BAZ2A: variants seen among roughly 807,000 people sequenced by gnomAD.
BAZ2A encodes bromodomain adjacent to zinc finger domain 2A.
In BAZ2A, 34 loss-of-function variants were observed where a neutral mutation model predicts 199.9. The observed-to-expected ratio is 0.17, with a 90% CI of 0.13 to 0.23. The LOEUF (loss-of-function observed/expected upper bound fraction) is 0.23, where lower values mean the gene tolerates loss of function less well. BAZ2A is among the 10% of genes least tolerant of loss of function. The pLI is 1.00. For missense variants in BAZ2A, 2,002 were observed against 2,391.1 expected (o/e 0.84, Z 3.39); for synonymous variants, 857 against 883.9 (o/e 0.97, Z 0.54).
chr12:56,598,577 T>C lies in BAZ2A; in HGVS notation c.*41A>G, dbSNP rs577151039. Reference sequence around the variant, plus strand: ...AAATGGCAGGTTTTTGTTTGGAAGGTGGGGGGAGATGCCACAAGGTGACTC... The same window carrying C: ...AAATGGCAGGTTTTTGTTTGGAAGGCGGGGGGAGATGCCACAAGGTGACTC... On this transcript the variant is annotated 3_prime_UTR_variant, in exon 29 of 29. Transcript: ENST00000549884. 2.1e-5 allele frequency: 33 copies of C among 1,594,764 alleles called. 1 individual carries two copies. The South Asian group carries it at 3.4e-4, about 16-fold the overall frequency.
rs2136731272 is a variant in BAZ2A, at chr12:56,600,340, C to G, written c.4753G>C (p.Val1585Leu). 1 of 1,614,024 alleles carries G rather than the reference C, an allele frequency of 6.2e-7. No individual in the cohort carries two copies. The highest frequency in any genetic ancestry group is 8.5e-7 in the Non-Finnish European group (1 of 1,179,902). Residue 1585 changes from valine to leucine, a missense_variant, in exon 24 of 29, where the codon GTG becomes CTG. Val to Leu is a conservative substitution (Grantham distance 32). This residue lies in a region of BAZ2A where 1,081 missense variants were observed against 1,274.7 expected (regional missense o/e 0.85). Coordinates refer to ENST00000549884, the MANE Select transcript of BAZ2A (RefSeq NM_001300905.2). ...RKTTNPLDLA[V>L]MRLAALEQNV... ...TGTTCCAGGGCAGCCAGCCGCATCA[C>G]AGCCAGGTCCAAAGGGTTGGTAGTT...
chr12:56,610,610 C>T, intron 7 of BAZ2A, 93 bp from the exon 8 acceptor site: 1 of 1,085,546 alleles, frequency 9.2e-7, no homozygotes, highest in Non-Finnish European at 1.4e-6. Flanking sequence ...AGATGGCCCT[C>T]CCCACATTTG....
intron 10 of BAZ2A, 137 bp from the exon 11 acceptor site, chr12:56,606,870 A>G: frequency 1.5e-6 from 1 of 663,822 alleles, no homozygotes; most frequent in Non-Finnish European, 2.6e-6. Flanking sequence ...TTTTTTTTTT[A>G]AGTATACATA....
chr12:56,603,519 C>T lies in BAZ2A; in HGVS notation c.3219+1G>A. 6.2e-7 allele frequency: 1 copy of T among 1,613,974 alleles called. No homozygotes were observed. On this transcript the variant is annotated splice_donor_variant, in intron 17 of 28. Coordinates refer to ENST00000549884, the MANE Select transcript of BAZ2A (RefSeq NM_001300905.2). LOFTEE classifies it high-confidence loss of function. ...CACTTTCCTTGATCTTGGGCCAGTA[C>T]CTCTCCATCTCTTCGACCCCTGCGG...
chr12:56,617,214 G>C (rs556943853), intron 2 of BAZ2A, among the ~76,000 whole-genome samples, 181 bp downstream of exon 2: 1 of 152,198 alleles, frequency 6.6e-6, no homozygotes, highest in South Asian at 2.1e-4. Flanking sequence ...AAAGCCAGTG[G>C]GTTTTTCTAA....
intron 10 of BAZ2A, among the ~76,000 whole-genome samples, chr12:56,607,728 C>T (rs928428799): frequency 1.3e-5 from 2 of 152,088 alleles, no homozygotes; most frequent in Admixed American, 6.5e-5. Context: ...CACATGTCTA[C>T]GTGACAACCC....
upstream of BAZ2A, chr12:56,634,995 T>C (rs951304983): frequency 1.1e-4 from 105 of 983,402 alleles, no homozygotes; most frequent in Non-Finnish European, 1.2e-4. Context: ...GAGGCGCAGG[T>C]GGCCGAGCCG....
At position 56,605,309 on chromosome 12, in the gene BAZ2A, G is replaced by A; in HGVS notation, c.2512C>T (p.Arg838Ter). The A allele has an allele frequency of 6.2e-7, 1 of 1,612,654 alleles. No individual in the cohort carries two copies. Among genetic ancestry groups the A allele is most frequent in the Non-Finnish European group, 8.5e-7 (1 of 1,178,980 alleles). ...TDHQPLPDFS[R>*]VPGLTLPSGA... ...CTGGGCAATGTCAGACCAGGGACTC[G>A]TGAGAAGTCAGGCAGGGGCTAGAGA... Residue 838 changes from arginine to a stop codon, truncating the protein, a stop_gained, in exon 14 of 29, where the codon CGA (arginine) becomes TGA (stop). Transcript: ENST00000549884. LOFTEE classifies it high-confidence loss of function.
chr12:56,624,070 C>A lies in BAZ2A; in HGVS notation c.-3+6055G>T, dbSNP rs147115314. 1.8e-3 allele frequency among the ~76,000 whole-genome samples: 278 copies of A among 150,614 alleles called. 1 individual carries two copies. The highest frequency in any genetic ancestry group is 6.2e-3 in the African/African-American group (250 of 40,554). ...GACTGGCCTGCGCAACACAGTGAGA[C>A]CCTATCTCTACACTAAAAAAAAAAA... is the stretch of plus-strand genomic sequence containing the variant. On this transcript the variant is annotated intron_variant, in intron 1 of 28. Coordinates refer to ENST00000549884, the MANE Select transcript of BAZ2A (RefSeq NM_001300905.2).
At chr12:56,625,746 C>G (rs867332470) in intron 1 of BAZ2A, among the ~76,000 whole-genome samples, 19 of 151,390 alleles carry the variant, frequency 1.3e-4, no homozygotes, top group African/African-American at 2.7e-4. Context: ...CATGGTGGCG[C>G]GCGCCTGTAG....
At chr12:56,628,357 T>A (rs1372933261) in intron 1 of BAZ2A, among the ~76,000 whole-genome samples, 2 of 151,304 alleles carry the variant, frequency 1.3e-5, no homozygotes, top group Non-Finnish European at 2.9e-5. Flanking sequence ...CCTGGGATTA[T>A]CAAGTGAAAA....
intron 9 of BAZ2A, 22 bp downstream of exon 9, chr12:56,610,092 T>C (rs772638090): frequency 6.2e-7 from 1 of 1,611,498 alleles, no homozygotes; most frequent in East Asian, 2.2e-5. Flanking sequence ...GACAAAAGCA[T>C]ATTTAACCCT....
intron 10 of BAZ2A, 70 bp from the exon 11 acceptor site, chr12:56,606,803 A>G (rs1950371260): frequency 1.0e-5 from 13 of 1,268,014 alleles, no homozygotes; most frequent in East Asian, 2.3e-5. Context: ...AGGGCAACAC[A>G]TGCCCGTCTC....
At chr12:56,608,529 A>G (rs1172728711) in intron 10 of BAZ2A, among the ~76,000 whole-genome samples, 1 of 151,946 alleles carries the variant, frequency 6.6e-6, no homozygotes, top group East Asian at 1.9e-4. Context: ...GGTATTTCTC[A>G]CCTGTCCATC....
At position 56,600,241 on chromosome 12, in the gene BAZ2A, T is replaced by A. The variant is rs756875470; in HGVS notation, c.4852A>T (p.Ser1618Cys). ...HEVVLEKALL[S>C]TPNGAPEGTT... Reference sequence around the variant, plus strand: ...CCCTCAGGGGCACCATTAGGTGTGCTAAGCAGGGCCTTCTCCAGCACAACC... The same window carrying A: ...CCCTCAGGGGCACCATTAGGTGTGCAAAGCAGGGCCTTCTCCAGCACAACC... The change falls in exon 24 of 29, where the codon AGC becomes TGC. Residue 1618 changes from serine to cysteine, a missense_variant. Around this residue, in one of 6 missense-constraint regions of BAZ2A, gnomAD observed 1,081 missense variants for 1,274.7 expected, o/e 0.85. Coordinates refer to ENST00000549884, the MANE Select transcript of BAZ2A (RefSeq NM_001300905.2). 1 of 1,613,954 alleles carries A rather than the reference T, an allele frequency of 6.2e-7. No individual in the cohort carries two copies. Among genetic ancestry groups the A allele is most frequent in the Non-Finnish European group, 8.5e-7 (1 of 1,179,858 alleles).
Position 56,610,202 on chromosome 12 carries a change from T to C in BAZ2A, c.1793A>G (p.Asn598Ser), listed in dbSNP as rs1360858418. 1.9e-6 allele frequency: 3 copies of C among 1,613,910 alleles called. No homozygotes were observed. The highest frequency in any genetic ancestry group is 2.5e-6 in the Non-Finnish European group (3 of 1,179,860). ...CTCTCGGCGGACACTGTGTACCACG[T>C]TGCGGCTCAGGTACTAAGAGGAAGA... ...FPEVIKYLSR[N>S]VVHSVRREHF... Residue 598 changes from asparagine to serine, a missense_variant, in exon 9 of 29, where the codon AAC becomes AGC. This residue lies in a region of BAZ2A where 74 missense variants were observed against 126.1 expected (regional missense o/e 0.59). Transcript: ENST00000549884.
chr12:56,608,867 CTTTTTTTTTTTTT>C (rs67765071), intron 10 of BAZ2A, among the ~76,000 whole-genome samples: 8 of 69,902 alleles, frequency 1.1e-4, no homozygotes, highest in Non-Finnish European at 2.0e-4. Context: ...CCGTGCCTGG[CTTTTTTTTTTTTT>C]TTTTTTTTTT....
intron 1 of BAZ2A, among the ~76,000 whole-genome samples, chr12:56,619,005 G>A (rs1210411994): frequency 5.3e-5 from 8 of 151,730 alleles, no homozygotes; most frequent in Non-Finnish European, 1.2e-4. Context: ...AGACCAAGCT[G>A]GATAACATGG....
At position 56,612,151 on chromosome 12, in the gene BAZ2A, G is replaced by C. The variant is rs779957895; in HGVS notation, c.1231C>G (p.Pro411Ala). The C allele has an allele frequency of 6.2e-7, 1 of 1,613,942 alleles. No individual in the cohort carries two copies. The highest frequency in any genetic ancestry group is 8.5e-7 in the Non-Finnish European group (1 of 1,179,880). Residue 411 changes from proline (P) to alanine (A), a missense_variant, in exon 6 of 29, where the codon CCT becomes GCT. By Grantham distance (27) the Pro-to-Ala change is conservative (BLOSUM62 -1). Coordinates refer to ENST00000549884, the MANE Select transcript of BAZ2A (RefSeq NM_001300905.2). ...AGCTGAATAGTGGATGACTGATCAGGAGCTGGCTGGGTCAGGGATGGTGGG... is the reference window on the plus strand; with the variant it reads ...AGCTGAATAGTGGATGACTGATCAGCAGCTGGCTGGGTCAGGGATGGTGGG... ...DFPPSLTQPA[P>A]DQSSTIQLHP...
Sources: allele counts gnomAD v4.1 joint callset (sites outside exome capture counted in the v4.1 genomes callset), GRCh38; gene constraint gnomAD v4.1.1; regional missense constraint gnomAD v4.1.1; transcripts MANE v1.5; gene names NCBI Gene and HGNC (gene_info 2026-07-23, HGNC 2026-07-21).